The following ILK variants were observed in gnomAD, a reference collection of about 807,000 sequenced individuals.
ILK encodes the protein scaffold protein ILK.
Under a neutral mutation model 57.8 loss-of-function variants are expected in ILK, and 37 were observed. The observed-to-expected ratio is 0.64, with a 90% CI of 0.49 to 0.84. The LOEUF is 0.84. Ranked by LOEUF, ILK falls within the 40% of genes least tolerant of loss-of-function variation. ILK has a pLI of 0.00. For missense variants in ILK, 528 were observed against 595.7 expected, an observed-to-expected ratio of 0.89 and a Z score of 1.18; for synonymous variants, 231 against 202.2, an observed-to-expected ratio of 1.14 and a Z score of -1.21.
In ILK at chr11:6,608,212, G is replaced by A; in HGVS notation, c.255+1G>A. On this transcript the variant is annotated splice_donor_variant, in intron 3 of 12. Coordinates refer to ENST00000299421, the MANE Select transcript of ILK (RefSeq NM_004517.4). LOFTEE classifies it high-confidence loss of function. This position sits in a 1 kb window ranked among gnomAD's most constrained non-coding sequence, Gnocchi z 4.9. ...TGGACACCGTGATATTGTACAGAAG[G>A]TACGTACAAACTCCTTCGTCATCCA... 1 of 1,614,164 alleles carries A rather than the reference G, an allele frequency of 6.2e-7. No individual in the cohort carries two copies. The highest frequency in any genetic ancestry group is 8.5e-7 in the Non-Finnish European group (1 of 1,180,004).
intron 2 of ILK, 152 bp from the exon 3 acceptor site, chr11:6,607,894 A>G (rs1334069559): frequency 8.0e-6 from 6 of 754,072 alleles, no homozygotes; most frequent in Non-Finnish European, 1.3e-5. Flanking sequence ...AAGGTCTGAA[A>G]TGGACAGCTT....
chr11:6,610,434 G>A (rs776656271), intron 12 of ILK, 28 bp from the exon 13 acceptor site: 5 of 1,614,066 alleles, frequency 3.1e-6, no homozygotes, highest in Admixed American at 3.3e-5. Context: ...CTCAAATTGT[G>A]AGGCTGCTTT....
Position 6,608,828 on chromosome 11 carries a change from C to T in ILK, c.448+38C>T, listed in dbSNP as rs1227659417. The T allele has an allele frequency of 1.2e-6, 2 of 1,612,208 alleles. No homozygotes were observed. Among genetic ancestry groups the T allele is most frequent in the African/African-American group, 2.7e-5 (2 of 74,874 alleles). ...ATCCCCTAGCTTGTGTCCTCTCGTC[C>T]CTTCCCACCTGTCTTCTCCCTCTGT... On this transcript the variant is annotated intron_variant, in intron 5 of 12. Coordinates refer to ENST00000299421, the MANE Select transcript of ILK (RefSeq NM_004517.4). The surrounding 1 kb of genome is among the most constrained non-coding windows in gnomAD (Gnocchi z 4.9).
In ILK at chr11:6,610,649, G is replaced by A; in HGVS notation, c.*38G>A. Reference sequence around the variant, plus strand: ...CTTGCCTGAACTCCAGAGGTGTCGGGACATGGTTGGGGGAATGCACCTCCC... The same window carrying A: ...CTTGCCTGAACTCCAGAGGTGTCGGAACATGGTTGGGGGAATGCACCTCCC... On this transcript the variant is annotated 3_prime_UTR_variant, in exon 13 of 13. Coordinates refer to ENST00000299421, the MANE Select transcript of ILK (RefSeq NM_004517.4). 6.2e-7 allele frequency: 1 copy of A among 1,613,530 alleles called. No homozygotes were observed. Among genetic ancestry groups the A allele is most frequent in the African/African-American group, 1.3e-5 (1 of 75,046 alleles).
intron 2 of ILK, among the ~76,000 whole-genome samples, chr11:6,605,254 A>C (rs529221477): frequency 2.0e-5 from 3 of 152,330 alleles, no homozygotes; most frequent in South Asian, 4.1e-4. Flanking sequence ...GCATATATAT[A>C]TCATATATAT....
chr11:6,604,328 G>A lies in ILK; in HGVS notation c.57G>A (p.Trp19Ter). ...REGNAVAVRL[W>*]LDNTENDLNQ... is the part of the protein sequence containing the mutation. ...GCAACGCAGTCGCCGTTCGCCTGTG[G>A]CTGGACAACACGGAGAACGACCTCA... Residue 19 changes from tryptophan to a stop codon, truncating the protein, a stop_gained, in exon 2 of 13, where the codon TGG (tryptophan) becomes TGA (stop). Coordinates refer to ENST00000299421, the MANE Select transcript of ILK (RefSeq NM_004517.4). LOFTEE classifies it high-confidence loss of function. 6.2e-7 allele frequency: 1 copy of A among 1,612,544 alleles called. No homozygotes were observed. Among genetic ancestry groups the A allele is most frequent in the South Asian group, 1.1e-5 (1 of 90,768 alleles).
intron 2 of ILK, chr11:6,607,706 A>G (rs1855067969): frequency 8.3e-6 from 3 of 360,848 alleles, no homozygotes; most frequent in African/African-American, 2.1e-5. Flanking sequence ...AGGGGGACAT[A>G]TAAGATGTGG....
intron 2 of ILK, 133 bp downstream of exon 2, chr11:6,604,493 G>T: frequency 1.3e-6 from 1 of 796,004 alleles, no homozygotes; most frequent in Non-Finnish European, 2.1e-6. Context: ...GCCTGTGGGG[G>T]GCAGAGGGTT....
chr11:6,604,326 T>C lies in ILK; in HGVS notation c.55T>C (p.Trp19Arg), dbSNP rs767175625. 1.2e-6 allele frequency: 2 copies of C among 1,612,758 alleles called. No individual in the cohort carries two copies. Among genetic ancestry groups the C allele is most frequent in the South Asian group, 1.1e-5 (1 of 90,784 alleles). The change falls in exon 2 of 13, where the codon TGG becomes CGG. Residue 19 changes from tryptophan to arginine, a missense_variant. Transcript: ENST00000299421. ...GGGCAACGCAGTCGCCGTTCGCCTG[T>C]GGCTGGACAACACGGAGAACGACCT... is the stretch of plus-strand genomic sequence containing the variant. ...REGNAVAVRL[W>R]LDNTENDLNQ...
Position 6,608,280 on chromosome 11 carries a change from A to G in ILK, c.255+69A>G. On this transcript the variant is annotated intron_variant, in intron 3 of 12. Coordinates refer to ENST00000299421, the MANE Select transcript of ILK (RefSeq NM_004517.4). The surrounding 1 kb of genome is among the most constrained non-coding windows in gnomAD (Gnocchi z 4.9). ...GAGGGTCAGTCACAGGCACTGTAAC[A>G]TACAGTAGAAAGCATGTGTGCTCTT... The G allele has an allele frequency of 6.3e-7, 1 of 1,578,606 alleles. No individual in the cohort carries two copies. Among genetic ancestry groups the G allele is most frequent in the Non-Finnish European group, 8.7e-7 (1 of 1,147,610 alleles).
In ILK at chr11:6,608,711, G is replaced by T; in HGVS notation, c.369G>T (p.Gly123=). The T allele has an allele frequency of 6.2e-7, 1 of 1,613,988 alleles. No homozygotes were observed. The highest frequency in any genetic ancestry group is 1.3e-5 in the African/African-American group (1 of 75,038). Residue 123 remains glycine (G), a synonymous_variant, in exon 5 of 13, where the codon GGG becomes GGT. Transcript: ENST00000299421. This position sits in a 1 kb window ranked among gnomAD's most constrained non-coding sequence, Gnocchi z 4.9. Reference sequence around the variant, plus strand: ...CATTCCAGGACCTGGTGGCAAATGGGGCCCTTGTCAGCATCTGTAACAAGT... The same window carrying T: ...CATTCCAGGACCTGGTGGCAAATGGTGCCCTTGTCAGCATCTGTAACAAGT... The part of the protein sequence containing the change: ...DQVAEDLVAN[G]ALVSICNKYG...
chr11:6,603,810 A>G lies in ILK; in HGVS notation c.-105A>G, dbSNP rs373151075. 1.3e-4 allele frequency: 47 copies of G among 353,058 alleles called. No individual in the cohort carries two copies. Among genetic ancestry groups the G allele is most frequent in the African/African-American group, 8.7e-4 (40 of 46,070 alleles). 21.9% of individuals were successfully genotyped at this position (353,058 alleles called of 1,614,324 possible). A position where few individuals can be genotyped will look rare whatever the true frequency, so the allele number is the denominator to read the frequency against. On this transcript the variant is annotated 5_prime_UTR_variant, in exon 1 of 13. Transcript: ENST00000299421. The stretch of plus-strand genomic sequence containing the variant: ...GGAGTTCCCCGGAGAAGGATCCTGC[A>G]GCCCGAGTCCCGGTGAGTGCGAGAG...
In ILK at chr11:6,609,411, A is replaced by G. The variant is rs372028308; in HGVS notation, c.728+3A>G. On this transcript the variant is annotated splice_donor_region_variant and intron_variant, in intron 8 of 12. Transcript: ENST00000299421. ...AATGAAGAGTGTCCCCGGCTCAGGT[A>G]GTGCAAGGCGTAACCTGGAAGCTGC... 2.5e-6 allele frequency: 4 copies of G among 1,613,670 alleles called. No homozygotes were observed. The highest frequency in any genetic ancestry group is 2.2e-5 in the East Asian group (1 of 44,882).
At position 6,608,771 on chromosome 11, in the gene ILK, C is replaced by T. The variant is rs1564846192; in HGVS notation, c.429C>T (p.Pro143=). ...TGCCTGTGGACAAAGCCAAGGCACCCCTGAGAGAGCTTCTCCGAGGTCCAT... is the reference window on the plus strand; with the variant it reads ...TGCCTGTGGACAAAGCCAAGGCACCTCTGAGAGAGCTTCTCCGAGGTCCAT... ...GEMPVDKAKA[P]LRELLRERAE... is the part of the protein sequence containing the mutation. Residue 143 remains proline (P), a synonymous_variant, in exon 5 of 13, where the codon CCC becomes CCT. Transcript: ENST00000299421. This position sits in a 1 kb window ranked among gnomAD's most constrained non-coding sequence, Gnocchi z 4.9. 6.2e-7 allele frequency: 1 copy of T among 1,613,892 alleles called. No homozygotes were observed. The highest frequency in any genetic ancestry group is 1.3e-5 in the African/African-American group (1 of 74,894).
At position 6,603,965 on chromosome 11, in the gene ILK, T is replaced by G. The variant is rs1323055526; in HGVS notation, c.-93+143T>G. On this transcript the variant is annotated intron_variant, in intron 1 of 12. Transcript: ENST00000299421. ...TGAACCTCCCCACTTCCCCCAACTCTGTTCGCGGATAGGGTCTAGTTGCCT... is the reference window on the plus strand; with the variant it reads ...TGAACCTCCCCACTTCCCCCAACTCGGTTCGCGGATAGGGTCTAGTTGCCT... 7.6e-6 allele frequency: 4 copies of G among 523,806 alleles called. No individual in the cohort carries two copies. In the Admixed American group the frequency reaches 9.6e-5, roughly 13 times the overall value. The allele number at this position is 523,806 out of a possible 1,614,324, so 32.4% of individuals were successfully genotyped here. A position where few individuals can be genotyped will look rare whatever the true frequency, so the allele number is the denominator to read the frequency against.
At position 6,610,521 on chromosome 11, in the gene ILK, G is replaced by A; in HGVS notation, c.1269G>A (p.Lys423=). Residue 423 remains lysine, a synonymous_variant, in exon 13 of 13, where the codon AAG becomes AAA. Transcript: ENST00000299421. Reference sequence around the variant, plus strand: ...CAGGTATTTCCCCTCATGTGTGTAAGCTCATGAAGATCTGCATGAATGAAG... The same window carrying A: ...CAGGTATTTCCCCTCATGTGTGTAAACTCATGAAGATCTGCATGAATGAAG... The part of the protein sequence containing the change: ...IPPGISPHVC[K]LMKICMNEDP... 1 of 1,614,090 alleles carries A rather than the reference G, an allele frequency of 6.2e-7. No individual in the cohort carries two copies. Among genetic ancestry groups the A allele is most frequent in the Non-Finnish European group, 8.5e-7 (1 of 1,179,912 alleles).
intron 7 of ILK, 30 bp downstream of exon 7, chr11:6,609,186 A>C (rs1355910965): frequency 4.4e-6 from 7 of 1,602,998 alleles, no homozygotes; most frequent in Non-Finnish European, 6.0e-6. Context: ...CCCTTCCCTC[A>C]CTAAACCCCC....
intron 1 of ILK, 82 bp from the exon 2 acceptor site, chr11:6,604,098 C>T: frequency 3.0e-6 from 2 of 669,698 alleles, no homozygotes; most frequent in Non-Finnish European, 5.4e-6. Flanking sequence ...ATCCCGCAGC[C>T]CCGAACTCCT....
chr11:6,607,666 T>A (rs1014070915), intron 2 of ILK: 1 of 316,292 alleles, frequency 3.2e-6, no homozygotes, highest in African/African-American at 2.2e-5. Context: ...TTAACAGATT[T>A]TTACAATCCA....
Sources: gnomAD v4.1 joint callset for allele counts (sites outside exome capture counted in the v4.1 genomes callset) on GRCh38, gnomAD v4.1.1 for gene constraint, Gnocchi (gnomAD v3.1) non-coding constraint, MANE v1.5 for transcripts, NCBI Gene and HGNC (gene_info 2026-07-23, HGNC 2026-07-21) for gene names.